PHF21A: variants seen among roughly 807,000 people sequenced by gnomAD.
The protein encoded by PHF21A is PHD finger protein 21A.
A neutral mutation model predicts 82.5 loss-of-function variants in PHF21A; 11 were observed. That is an observed-to-expected ratio of 0.13 (90% CI 0.08 to 0.22). The LOEUF is 0.22. Among genes scored for constraint, PHF21A ranks in the 10% least tolerant of loss-of-function variants. The probability of loss-of-function intolerance (pLI) is 1.00; values close to 1 mark genes in which losing one functional copy is unlikely to be tolerated. For synonymous variants in PHF21A, 297 were observed against 302.8 expected (o/e 0.98, Z 0.20); for missense variants, 579 against 837.8 (o/e 0.69, Z 3.81).
intron 7 of PHF21A, among the ~76,000 whole-genome samples, chr11:45,979,120 G>A (rs1414061134): frequency 1.3e-5 from 2 of 151,848 alleles, no homozygotes; most frequent in Admixed American, 6.6e-5. Context: ...GGGTTCAAGT[G>A]ATTCTCCTGC....
rs992725541 is a variant in PHF21A at position 46,069,831 on chromosome 11, G to C, written c.153+6923C>G. Reference sequence around the variant, plus strand: ...ATGTTCTAAGCTTCTTAGAAAAGTAGTACTTTACACGTAAGATGAAAGTGT... The same window carrying C: ...ATGTTCTAAGCTTCTTAGAAAAGTACTACTTTACACGTAAGATGAAAGTGT... On this transcript the variant is annotated intron_variant, in intron 6 of 18. Transcript: ENST00000676320. 3.3e-5 allele frequency among the ~76,000 whole-genome samples: 5 copies of C among 152,272 alleles called. No homozygotes were observed. In the East Asian group the frequency reaches 9.6e-4, roughly 29 times the overall value.
chr11:46,102,633 A>G (rs2097109653), intron 1 of PHF21A, among the ~76,000 whole-genome samples: 1 of 152,212 alleles, frequency 6.6e-6, no homozygotes, highest in African/African-American at 2.4e-5. Flanking sequence ...CCTCTTCCTC[A>G]ACTTTGCCTC....
intron 6 of PHF21A, among the ~76,000 whole-genome samples, chr11:46,016,071 G>A (rs2095511900): frequency 6.6e-6 from 1 of 152,114 alleles, no homozygotes; most frequent in African/African-American, 2.4e-5. Context: ...AGCACAGTAG[G>A]TTTGTTTACA....
rs1434774462 is a variant in PHF21A at position 45,930,149 on chromosome 11, T to C, written c.*3819A>G. On this transcript the variant is annotated 3_prime_UTR_variant, in exon 19 of 19. Transcript: ENST00000676320. ...ATGAAGAGAGGAAACCACTGAAGAG[T>C]GTGTGTGAGCTGGGAGGTGACAGCC... is the stretch of plus-strand genomic sequence containing the variant. 1.3e-5 allele frequency: 2 copies of C among 151,354 alleles called. No homozygotes were observed. The highest frequency in any genetic ancestry group is 6.6e-5 in the Admixed American group (1 of 15,226). 9.4% of individuals were successfully genotyped at this position (151,354 alleles called of 1,614,324 possible). A position where few individuals can be genotyped will look rare whatever the true frequency, so the allele number is the denominator to read the frequency against.
chr11:46,048,543 G>A (rs1442780454), intron 6 of PHF21A, among the ~76,000 whole-genome samples: 1 of 152,104 alleles, frequency 6.6e-6, no homozygotes, highest in East Asian at 1.9e-4. Flanking sequence ...GCCGAGGCAG[G>A]CAGGTCACCT....
chr11:46,022,149 CTTTTT>C (rs1565585385), intron 6 of PHF21A, among the ~76,000 whole-genome samples: 1 of 152,066 alleles, frequency 6.6e-6, no homozygotes, highest in Non-Finnish European at 1.5e-5. Context: ...TTGTTTCTTT[CTTTTT>C]TTATTTAAGA....
intron 6 of PHF21A, among the ~76,000 whole-genome samples, chr11:46,035,005 T>G (rs745988015): frequency 6.6e-6 from 1 of 152,206 alleles, no homozygotes; most frequent in South Asian, 2.1e-4. Context: ...GGAGAACATA[T>G]GATATAAATG....
At chr11:45,987,563 A>C (rs976105682) in intron 6 of PHF21A, among the ~76,000 whole-genome samples, 1 of 144,032 alleles carries the variant, frequency 6.9e-6, no homozygotes, top group Non-Finnish European at 1.5e-5. Flanking sequence ...CGGGAGGCTG[A>C]GGCAGGAGAA....
At chr11:45,997,704 G>A (rs1017582719) in intron 6 of PHF21A, among the ~76,000 whole-genome samples, 1 of 152,202 alleles carries the variant, frequency 6.6e-6, no homozygotes, top group Non-Finnish European at 1.5e-5. Flanking sequence ...CAATCTACCT[G>A]TTCAGGATCT....
intron 1 of PHF21A, among the ~76,000 whole-genome samples, chr11:46,105,484 TAACCAGG>T (rs2097143310): frequency 6.6e-6 from 1 of 152,124 alleles, no homozygotes; most frequent in Admixed American, 6.6e-5. Flanking sequence ...AGACCCACAC[TAACCAGG>T]AACTGCAAGA....
At position 45,964,207 on chromosome 11, in the gene PHF21A, A is replaced by AATAAT. The variant is rs1448078011; in HGVS notation, c.996+1103_996+1107dup. On this transcript the variant is annotated intron_variant, in intron 10 of 18. Transcript: ENST00000676320. The stretch of plus-strand genomic sequence containing the variant: ...GAGTGAAACTCCATCTCAAAATAAT[A>AATAAT]ATAATAATAATAATAATAATAATAA... 2.0e-5 allele frequency among the ~76,000 whole-genome samples: 3 copies of AATAAT among 146,562 alleles called. No individual in the cohort carries two copies. The East Asian group carries it at 5.9e-4, about 29-fold the overall frequency.
chr11:46,084,959 C>G (rs1412045052), intron 3 of PHF21A, among the ~76,000 whole-genome samples: 3 of 151,936 alleles, frequency 2.0e-5, no homozygotes, highest in Non-Finnish European at 4.4e-5. Context: ...GGATTACAGG[C>G]GTGAGCCACT....
chr11:46,050,430 C>T (rs1219739917), intron 6 of PHF21A, among the ~76,000 whole-genome samples: 2 of 152,116 alleles, frequency 1.3e-5, no homozygotes, highest in African/African-American at 4.8e-5. Flanking sequence ...GGAGAGCTGG[C>T]TTTTGAGAGG....
intron 1 of PHF21A, among the ~76,000 whole-genome samples, chr11:46,115,899 T>C (rs1254487253): frequency 6.6e-6 from 1 of 152,196 alleles, no homozygotes. Context: ...CTATTCACTG[T>C]CTGTAGGATG....
intron 6 of PHF21A, among the ~76,000 whole-genome samples, chr11:46,018,249 C>CAAAA (rs772133757): frequency 9.2e-5 from 7 of 76,218 alleles, no homozygotes; most frequent in Non-Finnish European, 1.7e-4. Context: ...GACTCCGTCT[C>CAAAA]AAAAAAAAAA....
chr11:46,103,356 G>A (rs1485646129), intron 1 of PHF21A, among the ~76,000 whole-genome samples: 2 of 152,082 alleles, frequency 1.3e-5, no homozygotes, highest in Non-Finnish European at 2.9e-5. Context: ...AAACTATAAT[G>A]CTTTACCTAC....
intron 2 of PHF21A, among the ~76,000 whole-genome samples, chr11:46,091,257 A>C (rs1016281662): frequency 6.6e-6 from 1 of 152,210 alleles, no homozygotes; most frequent in Non-Finnish European, 1.5e-5. Flanking sequence ...AAAAAGGAGT[A>C]GTCTTGCACT....
chr11:46,030,913 T>C lies in PHF21A; in HGVS notation c.153+45841A>G, dbSNP rs548808026. On this transcript the variant is annotated intron_variant, in intron 6 of 18. Coordinates refer to ENST00000676320, the MANE Select transcript of PHF21A (RefSeq NM_001352027.3). The stretch of plus-strand genomic sequence containing the variant: ...ACTTTTTGGGGGAAGTGGAGGAGAC[T>C]GACCAGAGAAATTGCTGATTTTAAA... Among the ~76,000 whole-genome samples the C allele has an allele frequency of 7.9e-5, 12 of 151,418 alleles. No homozygotes were observed. The South Asian group carries it at 2.3e-3, about 29-fold the overall frequency.
At chr11:45,979,632 G>T in intron 7 of PHF21A, 128 bp downstream of exon 7, 1 of 1,306,248 alleles carries the variant, frequency 7.7e-7, no homozygotes, top group Non-Finnish European at 1.1e-6. Context: ...CTGTAAAAAA[G>T]CAATCAAAAT....
Sources: allele counts gnomAD v4.1 joint callset (sites outside exome capture counted in the v4.1 genomes callset), GRCh38; gene constraint gnomAD v4.1.1; transcripts MANE v1.5; gene names NCBI Gene and HGNC (gene_info 2026-07-23, HGNC 2026-07-21).